Variants in CSMD3 observed in about 807,000 individuals in gnomAD.
The protein encoded by CSMD3 is CUB and Sushi multiple domains 3, also known as CUB and sushi domain-containing protein 3.
In CSMD3, 177 loss-of-function variants were observed where a neutral mutation model predicts 435.2. The ratio of observed to expected loss-of-function variants is 0.41; its 90% CI spans 0.36 to 0.46. The LOEUF is 0.46. Among genes scored for constraint, CSMD3 ranks in the 20% least tolerant of loss-of-function variants. CSMD3 has a pLI of 0.34. For synonymous variants in CSMD3, 1,656 were observed against 1,520.5 expected (o/e 1.09, Z -2.07); for missense variants, 4,265 against 4,504.6 (o/e 0.95, Z 1.52).
intron 28 of CSMD3, among the ~76,000 whole-genome samples, chr8:112,511,349 T>G (rs1586561357): frequency 6.6e-6 from 1 of 151,620 alleles, no homozygotes; most frequent in South Asian, 2.1e-4. Flanking sequence ...GGGTGGTGGT[T>G]GTTGAAATCT....
chr8:112,260,941 C>T (rs938593363), intron 61 of CSMD3, among the ~76,000 whole-genome samples: 4 of 152,080 alleles, frequency 2.6e-5, no homozygotes, highest in African/African-American at 2.4e-5. Context: ...TACACTTGTA[C>T]CCCTTAAATT....
chr8:113,379,967 G>A (rs2094408052), intron 1 of CSMD3, among the ~76,000 whole-genome samples: 1 of 152,132 alleles, frequency 6.6e-6, no homozygotes, highest in Non-Finnish European at 1.5e-5. Context: ...ACTAATTCCT[G>A]TCTTGTCACA....
At chr8:112,930,512 T>A (rs140936281) in intron 9 of CSMD3, among the ~76,000 whole-genome samples, 3 of 152,184 alleles carry the variant, frequency 2.0e-5, no homozygotes, top group African/African-American at 7.2e-5. Flanking sequence ...GGAAACACTA[T>A]AGAGGCATAG....
At chr8:112,504,484 C>A (rs566909685) in intron 29 of CSMD3, among the ~76,000 whole-genome samples, 1 of 152,138 alleles carries the variant, frequency 6.6e-6, no homozygotes, top group South Asian at 2.1e-4. Context: ...TGGACAAAAG[C>A]TGAAATCAAA....
intron 3 of CSMD3, among the ~76,000 whole-genome samples, chr8:113,269,816 T>G (rs28831775): frequency 0.02 from 3,088 of 151,454 alleles, 113 homozygotes; most frequent in African/African-American, 0.07. Flanking sequence ...ATTAATTCAA[T>G]ATGGATTAAA....
intron 3 of CSMD3, among the ~76,000 whole-genome samples, chr8:113,261,502 G>A (rs1334069510): frequency 1.3e-5 from 2 of 152,058 alleles, no homozygotes; most frequent in Non-Finnish European, 2.9e-5. Context: ...ACTCTTCAGT[G>A]AACTACCTCC....
intron 61 of CSMD3, among the ~76,000 whole-genome samples, chr8:112,262,930 G>T (rs1424511782): frequency 1.3e-5 from 2 of 152,102 alleles, no homozygotes; most frequent in Non-Finnish European, 2.9e-5. Flanking sequence ...TCATGAGACA[G>T]GTAGAGTCCT....
intron 22 of CSMD3, among the ~76,000 whole-genome samples, chr8:112,595,171 G>A (rs1015577956): frequency 1.1e-4 from 16 of 149,580 alleles, no homozygotes; most frequent in Non-Finnish European, 1.5e-4. Flanking sequence ...AGTGCTTAAA[G>A]GAGCTGATGG....
At chr8:112,441,845 C>G (rs1815058387) in intron 32 of CSMD3, among the ~76,000 whole-genome samples, 1 of 152,152 alleles carries the variant, frequency 6.6e-6, no homozygotes, top group South Asian at 2.1e-4. Flanking sequence ...CCCATGATGT[C>G]CCTCTACCAA....
rs1336606618 is a variant in CSMD3 at position 112,313,990 on chromosome 8, T to C, written c.7612A>G (p.Ile2538Val). The C allele has an allele frequency of 2.5e-6, 4 of 1,610,692 alleles. No individual in the cohort carries two copies. The highest frequency in any genetic ancestry group is 3.4e-6 in the Non-Finnish European group (4 of 1,177,282). ...LSGDYSSAFN[I>V]TSNGHEVFLQ... is the part of the protein sequence containing the mutation. The stretch of plus-strand genomic sequence containing the variant: ...AATACTTCATGACCATTGCTTGTTA[T>C]ATTAAAAGCAGATGAATAATCCCCA... Residue 2538 changes from isoleucine (I) to valine (V), a missense_variant, in exon 49 of 71, where the codon ATA (isoleucine) becomes GTA (valine). Ile to Val is a conservative substitution (Grantham distance 29). Coordinates refer to ENST00000297405, the MANE Select transcript of CSMD3 (RefSeq NM_198123.2).
chr8:112,653,070 G>A (rs2075168398), intron 18 of CSMD3, among the ~76,000 whole-genome samples: 1 of 152,108 alleles, frequency 6.6e-6, no homozygotes, highest in Admixed American at 6.5e-5. Flanking sequence ...TCCCGCCTCA[G>A]CCTCCAAAGT....
chr8:112,948,376 A>C (rs2083687588), intron 8 of CSMD3, among the ~76,000 whole-genome samples: 1 of 152,038 alleles, frequency 6.6e-6, no homozygotes, highest in Non-Finnish European at 1.5e-5. Context: ...GCCAGCATTA[A>C]AATACAGCAG....
At chr8:113,181,389 G>C (rs2092420032) in intron 3 of CSMD3, among the ~76,000 whole-genome samples, 1 of 151,944 alleles carries the variant, frequency 6.6e-6, no homozygotes, top group South Asian at 2.1e-4. Context: ...TACAGATAAG[G>C]TCCACTGGCA....
At chr8:112,627,307 T>C (rs753836426) in intron 22 of CSMD3, among the ~76,000 whole-genome samples, 23 of 152,180 alleles carry the variant, frequency 1.5e-4, no homozygotes, top group Middle Eastern at 3.2e-3. Context: ...AAGTATGCTC[T>C]AGGTATTTCT....
chr8:112,889,253 A>C (rs1307580516), intron 10 of CSMD3, among the ~76,000 whole-genome samples: 1 of 151,610 alleles, frequency 6.6e-6, no homozygotes, highest in Non-Finnish European at 1.5e-5. Context: ...GAGCAATGAG[A>C]TATCATCATT....
intron 30 of CSMD3, among the ~76,000 whole-genome samples, chr8:112,494,425 CT>C (rs1821023536): frequency 6.7e-6 from 1 of 149,210 alleles, no homozygotes; most frequent in African/African-American, 2.5e-5. Context: ...CTTTCTTTCT[CT>C]CTTTCTTTCT....
chr8:112,231,251 CTTTT>C (rs1408908734), intron 69 of CSMD3, among the ~76,000 whole-genome samples: 1 of 152,134 alleles, frequency 6.6e-6, no homozygotes, highest in Non-Finnish European at 1.5e-5. Context: ...TTAATATTTT[CTTTT>C]TTATCTATAT....
At chr8:112,951,184 G>C (rs1185106914) in intron 8 of CSMD3, among the ~76,000 whole-genome samples, 1 of 151,810 alleles carries the variant, frequency 6.6e-6, no homozygotes, top group African/African-American at 2.4e-5. Context: ...GTGATGCCAA[G>C]ACAATTAAAT....
chr8:113,031,670 C>G (rs902228019), intron 5 of CSMD3, among the ~76,000 whole-genome samples: 4 of 151,636 alleles, frequency 2.6e-5, no homozygotes, highest in Non-Finnish European at 4.4e-5. Context: ...TTGGTGAAAT[C>G]TGAATCAGTT....
Sources: allele counts gnomAD v4.1 joint callset (sites outside exome capture counted in the v4.1 genomes callset), GRCh38; gene constraint gnomAD v4.1.1; transcripts MANE v1.5; gene names NCBI Gene and HGNC (gene_info 2026-07-23, HGNC 2026-07-21).